The following PDLIM1 variants were observed in gnomAD, a reference collection of about 807,000 sequenced individuals.
The protein encoded by PDLIM1 is PDZ and LIM domain 1.
PDLIM1 carries 25 observed loss-of-function variants against 35.2 expected under a neutral mutation model. The ratio of observed to expected loss-of-function variants is 0.71; its 90% CI spans 0.52 to 0.99. The LOEUF is 0.99. Ranked by LOEUF, PDLIM1 falls within the 50% of genes least tolerant of loss-of-function variation. The pLI is 0.00. For missense variants in PDLIM1, 363 were observed against 415.3 expected (o/e 0.87, Z 1.09); for synonymous variants, 152 against 154.0 (o/e 0.99, Z 0.10).
chr10:95,257,957 T>G (rs1449280411), intron 4 of PDLIM1, among the ~76,000 whole-genome samples: 1 of 152,178 alleles, frequency 6.6e-6, no homozygotes, highest in Non-Finnish European at 1.5e-5. Flanking sequence ...TAGCCAAGAC[T>G]GGGCAATTTA....
At chr10:95,256,455 C>T (rs915804697) in intron 4 of PDLIM1, among the ~76,000 whole-genome samples, 1 of 152,116 alleles carries the variant, frequency 6.6e-6, no homozygotes, top group African/African-American at 2.4e-5. Flanking sequence ...TTTTACAAAG[C>T]TACAGTAATC....
At chr10:95,253,644 G>A (rs1194431732) in intron 4 of PDLIM1, among the ~76,000 whole-genome samples, 2 of 139,788 alleles carry the variant, frequency 1.4e-5, no homozygotes, top group African/African-American at 5.3e-5. Flanking sequence ...TGACAAGAGC[G>A]AGACTCTGTC....
chr10:95,283,295 C>T (rs1420143259), intron 1 of PDLIM1, among the ~76,000 whole-genome samples: 1 of 152,162 alleles, frequency 6.6e-6, no homozygotes, highest in African/African-American at 2.4e-5. Flanking sequence ...CTCACCACAA[C>T]CTTTGAAGAC....
intron 4 of PDLIM1, among the ~76,000 whole-genome samples, chr10:95,253,030 G>C (rs1432911026): frequency 6.6e-6 from 1 of 151,980 alleles, no homozygotes; most frequent in Non-Finnish European, 1.5e-5. Flanking sequence ...GAAGTGAAGT[G>C]AACAGGAAAC....
At chr10:95,251,450 C>T (rs892921907) in intron 4 of PDLIM1, among the ~76,000 whole-genome samples, 10 of 152,064 alleles carry the variant, frequency 6.6e-5, no homozygotes, top group African/African-American at 1.2e-4. Flanking sequence ...GCAGCGTGTG[C>T]CTGTAATCCC....
intron 4 of PDLIM1, among the ~76,000 whole-genome samples, chr10:95,251,699 C>T (rs1455803548): frequency 6.6e-6 from 1 of 152,184 alleles, no homozygotes; most frequent in Non-Finnish European, 1.5e-5. Flanking sequence ...AAGATGGTCT[C>T]CTCATAAAAA....
chr10:95,286,938 C>T (rs6583989), intron 1 of PDLIM1, among the ~76,000 whole-genome samples: 31,738 of 151,998 alleles, frequency 0.21, 3,803 homozygotes, highest in East Asian at 0.38. Context: ...ATGACCCAGA[C>T]GCTTAGATGA....
chr10:95,238,788 T>C (rs2035149542), intron 5 of PDLIM1, 103 bp from the exon 6 acceptor site: 1 of 737,344 alleles, frequency 1.4e-6, no homozygotes, highest in Non-Finnish European at 2.4e-6. Context: ...AGCAAGGCCA[T>C]GGGAACTGGA....
chr10:95,262,107 CT>C (rs1367500271), intron 4 of PDLIM1, among the ~76,000 whole-genome samples: 5 of 152,086 alleles, frequency 3.3e-5, no homozygotes, highest in African/African-American at 1.2e-4. Context: ...TGACATCTGT[CT>C]CTCTCTGGGG....
intron 1 of PDLIM1, among the ~76,000 whole-genome samples, chr10:95,288,729 G>T (rs540953873): frequency 6.6e-6 from 1 of 152,102 alleles, no homozygotes; most frequent in Admixed American, 6.5e-5. Flanking sequence ...TATTAATAAG[G>T]AGCTGAAGAG....
At chr10:95,260,457 G>A (rs995322583) in intron 4 of PDLIM1, among the ~76,000 whole-genome samples, 8 of 152,106 alleles carry the variant, frequency 5.3e-5, no homozygotes, top group African/African-American at 9.7e-5. Context: ...CATTTTCTTC[G>A]CCCACCTGGT....
rs745661989 is a variant in PDLIM1 at position 95,271,693 on chromosome 10, T to G, written c.188A>C (p.His63Pro). ...TTTGATTCTGTTCTGAGCTTCCAAG[T>G]GTGTCATATTGCTAGTATTTTCCCC... ...IDGENTSNMT[H>P]LEAQNRIKGC... The change falls in exon 2 of 7, where the codon CAC becomes CCC. Residue 63 changes from histidine (H) to proline (P), a missense_variant. Transcript: ENST00000329399. 1 of 1,612,114 alleles carries G rather than the reference T, an allele frequency of 6.2e-7. No individual in the cohort carries two copies. Among genetic ancestry groups the G allele is most frequent in the Non-Finnish European group, 8.5e-7 (1 of 1,179,254 alleles).
intron 1 of PDLIM1, among the ~76,000 whole-genome samples, chr10:95,279,125 A>T (rs1419110080): frequency 6.6e-6 from 1 of 152,220 alleles, no homozygotes; most frequent in Admixed American, 6.5e-5. Flanking sequence ...CTTTAGAAAA[A>T]TCAGAAAATC....
At chr10:95,255,679 T>C (rs923340056) in intron 4 of PDLIM1, among the ~76,000 whole-genome samples, 3 of 152,108 alleles carry the variant, frequency 2.0e-5, no homozygotes, top group Non-Finnish European at 4.4e-5. Context: ...AACCTCTCAC[T>C]CAAAATGAAA....
chr10:95,272,128 A>C (rs1179936260), intron 1 of PDLIM1, among the ~76,000 whole-genome samples: 1 of 152,206 alleles, frequency 6.6e-6, no homozygotes, highest in Non-Finnish European at 1.5e-5. Flanking sequence ...TTACTGAGCC[A>C]GGAAACAAAC....
intron 4 of PDLIM1, among the ~76,000 whole-genome samples, chr10:95,251,783 C>T (rs988240699): frequency 2.0e-5 from 3 of 152,158 alleles, no homozygotes; most frequent in Admixed American, 6.5e-5. Flanking sequence ...AAACCCTGGA[C>T]ATTACATATA....
intron 1 of PDLIM1, among the ~76,000 whole-genome samples, chr10:95,283,050 C>T (rs2035573812): frequency 6.6e-6 from 1 of 152,198 alleles, no homozygotes; most frequent in Non-Finnish European, 1.5e-5. Context: ...TAAACACTCA[C>T]TAAACCTTGA....
chr10:95,272,208 T>TA (rs960240457), intron 1 of PDLIM1, among the ~76,000 whole-genome samples: 2 of 152,080 alleles, frequency 1.3e-5, no homozygotes, highest in African/African-American at 2.4e-5. Flanking sequence ...CAATTACATT[T>TA]AAAAAAACAC....
intron 1 of PDLIM1, among the ~76,000 whole-genome samples, chr10:95,280,773 C>G (rs577372057): frequency 6.6e-6 from 1 of 152,304 alleles, no homozygotes; most frequent in East Asian, 1.9e-4. Context: ...AATTTCCTGA[C>G]TCTTTATGGA....
Sources: gnomAD v4.1 joint callset for allele counts (sites outside exome capture counted in the v4.1 genomes callset) on GRCh38, gnomAD v4.1.1 for gene constraint, MANE v1.5 for transcripts, NCBI Gene and HGNC (gene_info 2026-07-23, HGNC 2026-07-21) for gene names.